TINAGL1: variants seen among roughly 807,000 people sequenced by gnomAD.
The protein encoded by TINAGL1 is tubulointerstitial nephritis antigen-like.
A neutral mutation model predicts 62.0 loss-of-function variants in TINAGL1; 34 were observed. That is an observed-to-expected ratio of 0.55 (90% CI 0.42 to 0.73). The LOEUF (loss-of-function observed/expected upper bound fraction) is 0.73. Ranked by LOEUF, TINAGL1 falls within the 30% of genes least tolerant of loss-of-function variation. The pLI, the probability that TINAGL1 is intolerant of heterozygous loss-of-function variation, is 0.00. For synonymous variants in TINAGL1, 221 were observed against 249.7 expected (o/e 0.88, Z 1.08); for missense variants, 516 against 653.2 (o/e 0.79, Z 2.29).
Position 31,577,046 on chromosome 1 carries a change from C to T in TINAGL1, c.-15-88C>T. On this transcript the variant is annotated intron_variant, in intron 1 of 11. Transcript: ENST00000271064. This position sits in a 1 kb window ranked among gnomAD's most constrained non-coding sequence, Gnocchi z 5.4. ...AATCGGGATCTCCCTCCCTGCTGGG[C>T]CCTCTTGAACTCACAGCTCCAGGAA... The T allele has an allele frequency of 8.3e-7, 1 of 1,202,554 alleles. No individual in the cohort carries two copies. Among genetic ancestry groups the T allele is most frequent in the Non-Finnish European group, 1.1e-6 (1 of 891,916 alleles). The allele number at this position is 1,202,554 out of a possible 1,614,324, so 74.5% of individuals were successfully genotyped here.
At chr1:31,586,304 T>C in intron 10 of TINAGL1, 1 of 346,674 alleles carries the variant, frequency 2.9e-6, no homozygotes. Context: ...CGGTGGGAAT[T>C]GGCGGTCTCT....
In TINAGL1 at chr1:31,587,169, C is replaced by A; in HGVS notation, c.*190C>A. ...GGGAGCCGCGGGCAGGCGAGACTGG[C>A]GGAGCCCCCAGACCTCCCAGTGGGG... is the stretch of plus-strand genomic sequence containing the variant. On this transcript the variant is annotated 3_prime_UTR_variant, in exon 12 of 12. Transcript: ENST00000271064. The A allele has an allele frequency of 1.1e-6, 1 of 891,044 alleles. No homozygotes were observed. The highest frequency in any genetic ancestry group is 1.5e-6 in the Non-Finnish European group (1 of 667,010). 55.2% of individuals were successfully genotyped at this position (891,044 alleles called of 1,614,324 possible). A position where few individuals can be genotyped will look rare whatever the true frequency, so the allele number is the denominator to read the frequency against.
Position 31,586,822 on chromosome 1 carries a change from C to T in TINAGL1, c.1264-17C>T. 1 of 1,544,168 alleles carries T rather than the reference C, an allele frequency of 6.5e-7. No individual in the cohort carries two copies. The highest frequency in any genetic ancestry group is 8.8e-7 in the Non-Finnish European group (1 of 1,142,316). On this transcript the variant is annotated splice_polypyrimidine_tract_variant and intron_variant, in intron 11 of 11. Transcript: ENST00000271064. Reference sequence around the variant, plus strand: ...CCCACTCCCATTCCCCTTCTCACCACCCCTCCTTATTCCCAGACTGCGGCC... The same window carrying T: ...CCCACTCCCATTCCCCTTCTCACCATCCCTCCTTATTCCCAGACTGCGGCC...
Position 31,586,731 on chromosome 1 carries a change from A to C in TINAGL1, c.1239A>C (p.Pro413=), listed in dbSNP as rs1355924374. ...ACAGATGGGGAGAGGAGACGCTGCC[A>C]GATGGAAGGACGCTCAAATACTGGG... ...KITGWGEETL[P]DGRTLKYWTA... is the part of the protein sequence containing the mutation. The change falls in exon 11 of 12, where the codon CCA becomes CCC. Residue 413 remains proline, a synonymous_variant. Transcript: ENST00000271064. 6.4e-7 allele frequency: 1 copy of C among 1,556,718 alleles called. No individual in the cohort carries two copies. The highest frequency in any genetic ancestry group is 1.2e-5 in the South Asian group (1 of 84,292).
In TINAGL1 at chr1:31,585,414, C is replaced by T; in HGVS notation, c.1048-26C>T. On this transcript the variant is annotated intron_variant, in intron 8 of 11. Transcript: ENST00000271064. The surrounding 1 kb of genome is among the most constrained non-coding windows in gnomAD (Gnocchi z 4.3). The stretch of plus-strand genomic sequence containing the variant: ...CCTGGAGTCTCACCCCTGACGTATG[C>T]TCTCTGTCCATCCCCTGCCCTCCAG... The T allele has an allele frequency of 1.9e-6, 3 of 1,613,408 alleles. No homozygotes were observed. The highest frequency in any genetic ancestry group is 2.5e-6 in the Non-Finnish European group (3 of 1,179,624).
rs748814875 is a variant in TINAGL1, at chr1:31,584,871, A to G, written c.707-15A>G. ...TCCTGAGCCTCCCGACAGCCCCTCT[A>G]TCTCACCCCACCAGCTGTGGCATCC... On this transcript the variant is annotated splice_polypyrimidine_tract_variant and intron_variant, in intron 6 of 11. Coordinates refer to ENST00000271064, the MANE Select transcript of TINAGL1 (RefSeq NM_022164.3). This position sits in a 1 kb window ranked among gnomAD's most constrained non-coding sequence, Gnocchi z 4.0. The G allele has an allele frequency of 1.9e-6, 3 of 1,612,352 alleles. No homozygotes were observed. Among genetic ancestry groups the G allele is most frequent in the Non-Finnish European group, 2.5e-6 (3 of 1,178,518 alleles).
chr1:31,585,109 A>G lies in TINAGL1; in HGVS notation c.858-42A>G, dbSNP rs780487920. 2.7e-5 allele frequency: 43 copies of G among 1,564,994 alleles called. No homozygotes were observed. In the South Asian group the frequency reaches 4.8e-4, roughly 17 times the overall value. ...GTGGGCATGGCCTGGGCCATGATGCACTGAGTCTTTCTGCCTTTGCTCCCT... is the reference window on the plus strand; with the variant it reads ...GTGGGCATGGCCTGGGCCATGATGCGCTGAGTCTTTCTGCCTTTGCTCCCT... On this transcript the variant is annotated intron_variant, in intron 7 of 11. Coordinates refer to ENST00000271064, the MANE Select transcript of TINAGL1 (RefSeq NM_022164.3). The surrounding 1 kb of genome is among the most constrained non-coding windows in gnomAD (Gnocchi z 4.3).
At chr1:31,579,598 C>T (rs563844130) in intron 3 of TINAGL1, among the ~76,000 whole-genome samples, 4 of 152,134 alleles carry the variant, frequency 2.6e-5, no homozygotes, top group South Asian at 2.1e-4. Context: ...GAGAAGGGGG[C>T]GCCAGGAAGG....
intron 3 of TINAGL1, among the ~76,000 whole-genome samples, chr1:31,581,539 C>T (rs1639245801): frequency 6.6e-6 from 1 of 152,152 alleles, no homozygotes; most frequent in African/African-American, 2.4e-5. Context: ...AAAGAGCAGG[C>T]TTGTGGGAGG....
chr1:31,584,519 C>A lies in TINAGL1; in HGVS notation c.583-159C>A. The A allele has an allele frequency of 1.7e-6, 2 of 1,203,212 alleles. No individual in the cohort carries two copies. The highest frequency in any genetic ancestry group is 1.2e-6 in the Non-Finnish European group (1 of 852,206). The allele number at this position is 1,203,212 out of a possible 1,614,324, so 74.5% of individuals were successfully genotyped here. A position where few individuals can be genotyped will look rare whatever the true frequency, so the allele number is the denominator to read the frequency against. Reference sequence around the variant, plus strand: ...CTAAATGGTGCTTGGTTCTTCAACACAAGTCAAAATTGGAGGCAGCTGGAA... The same window carrying A: ...CTAAATGGTGCTTGGTTCTTCAACAAAAGTCAAAATTGGAGGCAGCTGGAA... On this transcript the variant is annotated intron_variant, in intron 5 of 11. Coordinates refer to ENST00000271064, the MANE Select transcript of TINAGL1 (RefSeq NM_022164.3). This position sits in a 1 kb window ranked among gnomAD's most constrained non-coding sequence, Gnocchi z 4.0.
chr1:31,585,423 C>T lies in TINAGL1; in HGVS notation c.1048-17C>T, dbSNP rs759168156. 2.1e-5 allele frequency: 34 copies of T among 1,613,708 alleles called. No individual in the cohort carries two copies. In the East Asian group the frequency reaches 6.0e-4, roughly 29 times the overall value. On this transcript the variant is annotated splice_polypyrimidine_tract_variant and intron_variant, in intron 8 of 11. Coordinates refer to ENST00000271064, the MANE Select transcript of TINAGL1 (RefSeq NM_022164.3). The surrounding 1 kb of genome is among the most constrained non-coding windows in gnomAD (Gnocchi z 4.3). ...TCACCCCTGACGTATGCTCTCTGTCCATCCCCTGCCCTCCAGGACAAGGAG... is the reference window on the plus strand; with the variant it reads ...TCACCCCTGACGTATGCTCTCTGTCTATCCCCTGCCCTCCAGGACAAGGAG...
intron 3 of TINAGL1, chr1:31,580,601 G>T: frequency 7.8e-7 from 1 of 1,289,302 alleles, no homozygotes; most frequent in East Asian, 5.5e-5. Flanking sequence ...CAGTGCCCCC[G>T]CCTCTCCTGG....
rs1639035685 is a variant in TINAGL1 at position 31,577,783 on chromosome 1, G to C, written c.310+325G>C. The C allele has an allele frequency of 7.0e-6, 2 of 284,688 alleles. No individual in the cohort carries two copies. The highest frequency in any genetic ancestry group is 9.4e-5 in the Admixed American group (2 of 21,346). 17.6% of individuals were successfully genotyped at this position (284,688 alleles called of 1,614,324 possible). Reference sequence around the variant, plus strand: ...ATATGGGTTGGTGAGGGTCATCTTAGCCATTTTTCTGCCTTTGCTGAGGAT... The same window carrying C: ...ATATGGGTTGGTGAGGGTCATCTTACCCATTTTTCTGCCTTTGCTGAGGAT... On this transcript the variant is annotated intron_variant, in intron 2 of 11. Transcript: ENST00000271064. This position sits in a 1 kb window ranked among gnomAD's most constrained non-coding sequence, Gnocchi z 5.4.
In TINAGL1 at chr1:31,583,508, A is replaced by T. The variant is rs1042339645; in HGVS notation, c.515A>T (p.Glu172Val). 11 of 1,613,944 alleles carry T rather than the reference A, an allele frequency of 6.8e-6. No homozygotes were observed. Among genetic ancestry groups the T allele is most frequent in the East Asian group, 2.2e-5 (1 of 44,888 alleles). Reference sequence around the variant, plus strand: ...GCCTTCTGGGGCATGACCCTGGATGAGGGCATTCGCTACCGCCTGGGCACC... The same window carrying T: ...GCCTTCTGGGGCATGACCCTGGATGTGGGCATTCGCTACCGCCTGGGCACC... ...HSAFWGMTLDEGIRYRLGTIR... is the reference protein window; with the variant it reads ...HSAFWGMTLDVGIRYRLGTIR... Residue 172 changes from glutamate (E) to valine (V), a missense_variant, in exon 5 of 12, where the codon GAG becomes GTG. Glu to Val is a moderately radical substitution (Grantham distance 121). Transcript: ENST00000271064. This position sits in a 1 kb window ranked among gnomAD's most constrained non-coding sequence, Gnocchi z 4.4.
In TINAGL1 at chr1:31,587,649, C is replaced by G. The variant is rs1639434731; in HGVS notation, c.*670C>G. The stretch of plus-strand genomic sequence containing the variant: ...TCTTATTCTTCAGATATTTATTTTT[C>G]TTTTCACTGTTTTAAAATAAAACCA... On this transcript the variant is annotated 3_prime_UTR_variant, in exon 12 of 12. Transcript: ENST00000271064. The G allele has an allele frequency of 6.6e-6, 1 of 152,168 alleles. No homozygotes were observed. The highest frequency in any genetic ancestry group is 1.5e-5 in the Non-Finnish European group (1 of 68,032). The allele number at this position is 152,168 out of a possible 1,614,324, so 9.4% of individuals were successfully genotyped here.
chr1:31,578,019 G>A (rs529598146), intron 2 of TINAGL1: 72 of 255,590 alleles, frequency 2.8e-4, no homozygotes, highest in Non-Finnish European at 3.7e-4. Flanking sequence ...ATCTTAGGAC[G>A]GTTGCTTACC....
intron 3 of TINAGL1, among the ~76,000 whole-genome samples, chr1:31,581,659 A>G (rs953347805): frequency 6.6e-6 from 1 of 152,162 alleles, no homozygotes; most frequent in Non-Finnish European, 1.5e-5. Context: ...GATTCCTGTA[A>G]CAGAATGGTG....
In TINAGL1 at chr1:31,587,229, GCAGAT is replaced by G. The variant is rs1029499745; in HGVS notation, c.*252_*256del. On this transcript the variant is annotated 3_prime_UTR_variant, in exon 12 of 12. Transcript: ENST00000271064. ...GGCCTGGCCTGGGAAGAGCACAGCT[GCAGAT>G]CCCAGGCCTCTGGCGCCCCCACTCA... is the stretch of plus-strand genomic sequence containing the variant. 2.4e-6 allele frequency: 1 copy of G among 418,448 alleles called. No homozygotes were observed. The highest frequency in any genetic ancestry group is 2.1e-5 in the African/African-American group (1 of 47,896). 25.9% of individuals were successfully genotyped at this position (418,448 alleles called of 1,614,324 possible).
chr1:31,586,363 C>T, intron 10 of TINAGL1: 1 of 480,170 alleles, frequency 2.1e-6, no homozygotes, highest in South Asian at 2.6e-5. Flanking sequence ...TTGGCACCTA[C>T]CCCTCCCTGG....
Sources: allele counts gnomAD v4.1 joint callset (sites outside exome capture counted in the v4.1 genomes callset), GRCh38; gene constraint gnomAD v4.1.1; non-coding constraint Gnocchi (gnomAD v3.1); transcripts MANE v1.5; gene names NCBI Gene and HGNC (gene_info 2026-07-23, HGNC 2026-07-21).